The following WWOX variants were observed in gnomAD, a reference collection of about 807,000 sequenced individuals.
The protein encoded by WWOX is WW domain containing oxidoreductase.
WWOX carries 69 observed loss-of-function variants against 46.2 expected under a neutral mutation model. The ratio of observed to expected loss-of-function variants is 1.49; its 90% CI spans 1.23 to 1.82. The LOEUF (loss-of-function observed/expected upper bound fraction) is 1.82. Among genes scored for constraint, WWOX ranks in the 40% most tolerant of loss-of-function variants. WWOX has a pLI of 0.00. For missense variants in WWOX, 919 were observed against 542.6 expected (o/e 1.69, Z -6.89); for synonymous variants, 359 against 202.6 (o/e 1.77, Z -6.56).
intron 6 of WWOX, among the ~76,000 whole-genome samples, chr16:78,396,559 TC>T (rs1198642189): frequency 1.3e-5 from 2 of 152,198 alleles, no homozygotes; most frequent in African/African-American, 4.8e-5. Flanking sequence ...CCCAGGGTTG[TC>T]TTTTCCCACT....
chr16:79,210,380 C>G (rs749026701), intron 8 of WWOX, among the ~76,000 whole-genome samples: 1 of 152,168 alleles, frequency 6.6e-6, no homozygotes, highest in Admixed American at 6.5e-5. Flanking sequence ...GCAAACCAGA[C>G]CATTTGAGGG....
chr16:78,800,826 TC>T (rs1218892965), intron 8 of WWOX, among the ~76,000 whole-genome samples: 3 of 152,042 alleles, frequency 2.0e-5, no homozygotes, highest in African/African-American at 7.3e-5. Flanking sequence ...TAGCATCTCC[TC>T]CCCAGCACTC....
intron 8 of WWOX, among the ~76,000 whole-genome samples, chr16:78,672,902 A>T (rs939322421): frequency 1.2e-4 from 18 of 152,316 alleles, no homozygotes; most frequent in Non-Finnish European, 2.4e-4. Context: ...CATCCTGATA[A>T]ATGCTGTGCC....
intron 5 of WWOX, among the ~76,000 whole-genome samples, chr16:78,266,717 G>C (rs1205400094): frequency 6.6e-6 from 1 of 151,386 alleles, no homozygotes; most frequent in Non-Finnish European, 1.5e-5. Context: ...AGTTAACTTA[G>C]CTAAACTCAT....
chr16:78,620,839 G>C (rs2046162791), intron 8 of WWOX, among the ~76,000 whole-genome samples: 2 of 152,038 alleles, frequency 1.3e-5, no homozygotes, highest in Non-Finnish European at 2.9e-5. Flanking sequence ...TTCTTCCTCA[G>C]TTTATTTCTT....
At chr16:78,191,828 G>A (rs2035892793) in intron 5 of WWOX, among the ~76,000 whole-genome samples, 1 of 152,296 alleles carries the variant, frequency 6.6e-6, no homozygotes, top group South Asian at 2.1e-4. Context: ...AGAATTTACA[G>A]GATATTTGAT....
intron 8 of WWOX, among the ~76,000 whole-genome samples, chr16:78,824,689 C>T (rs1041503160): frequency 6.6e-6 from 1 of 152,150 alleles, no homozygotes; most frequent in African/African-American, 2.4e-5. Context: ...GTAAACCCAT[C>T]AGATCTTGTG....
intron 8 of WWOX, chr16:78,534,414 A>G (rs546088377): frequency 6.6e-6 from 1 of 152,232 alleles, no homozygotes; most frequent in Non-Finnish European, 1.5e-5. Context: ...AACCATTGAG[A>G]GGCTCATGGT....
intron 5 of WWOX, among the ~76,000 whole-genome samples, chr16:78,173,753 C>T (rs2035241140): frequency 6.6e-6 from 1 of 152,152 alleles, no homozygotes; most frequent in South Asian, 2.1e-4. Context: ...CTTGTTGGAG[C>T]AATATTTCTT....
intron 8 of WWOX, among the ~76,000 whole-genome samples, chr16:79,066,663 C>G (rs1276523605): frequency 6.6e-6 from 1 of 152,212 alleles, no homozygotes; most frequent in Non-Finnish European, 1.5e-5. Flanking sequence ...CAGGTGCCCA[C>G]TTAATTCAAT....
In WWOX at chr16:78,127,847, G is replaced by C. The variant is rs1343242843; in HGVS notation, c.409+12693G>C. ...TAGGACAGTTTTATTGGCGTCTACT[G>C]GACATGGTAGGAAGAGAGCTGTAAT... is the stretch of plus-strand genomic sequence containing the variant. On this transcript the variant is annotated intron_variant, in intron 4 of 8. Coordinates refer to ENST00000566780, the MANE Select transcript of WWOX (RefSeq NM_016373.4). Among the ~76,000 whole-genome samples, 3 of 152,152 alleles carry C rather than the reference G, an allele frequency of 2.0e-5. 1 individual carries two copies. Among genetic ancestry groups the C allele is most frequent in the African/African-American group, 7.2e-5 (3 of 41,420 alleles).
At chr16:78,248,864 CTTTTTTTTTT>C (rs869134108) in intron 5 of WWOX, among the ~76,000 whole-genome samples, 3 of 117,392 alleles carry the variant, frequency 2.6e-5, no homozygotes, top group African/African-American at 6.2e-5. Context: ...GCCCCCCGGC[CTTTTTTTTTT>C]TTTTTTTTTT....
chr16:78,859,190 A>T (rs376421334), intron 8 of WWOX, among the ~76,000 whole-genome samples: 2 of 151,340 alleles, frequency 1.3e-5, no homozygotes, highest in East Asian at 2.0e-4. Flanking sequence ...GAGAAGCAGG[A>T]TGAAGGGGCC....
In WWOX at chr16:78,989,855, T is replaced by A. The variant is rs145093301; in HGVS notation, c.1057-221753T>A. Among the ~76,000 whole-genome samples, 419 of 149,760 alleles carry A rather than the reference T, an allele frequency of 2.8e-3. 5 individuals carry two copies. The highest frequency in any genetic ancestry group is 0.01 in the African/African-American group (406 of 40,308). ...GTGTGTGTGTGTGTGTGTGTGTGTG[T>A]GATTGAGAGAGAGAGAGACAGATGG... is the stretch of plus-strand genomic sequence containing the variant. On this transcript the variant is annotated intron_variant, in intron 8 of 8. Coordinates refer to ENST00000566780, the MANE Select transcript of WWOX (RefSeq NM_016373.4).
intron 8 of WWOX, among the ~76,000 whole-genome samples, chr16:79,034,272 T>C (rs907175394): frequency 6.6e-6 from 1 of 152,192 alleles, no homozygotes; most frequent in Non-Finnish European, 1.5e-5. Context: ...AAAAAGGCAC[T>C]CTCTATAAAT....
intron 8 of WWOX, among the ~76,000 whole-genome samples, chr16:78,743,376 C>G (rs1375609172): frequency 6.6e-6 from 1 of 152,006 alleles, no homozygotes; most frequent in Non-Finnish European, 1.5e-5. Context: ...CAGAATCTTC[C>G]CAGGGATCTG....
At chr16:78,581,708 T>C (rs1303741726) in intron 8 of WWOX, among the ~76,000 whole-genome samples, 1 of 152,210 alleles carries the variant, frequency 6.6e-6, no homozygotes, top group Non-Finnish European at 1.5e-5. Context: ...TTTAGGTGCC[T>C]TAACTTACCA....
intron 8 of WWOX, among the ~76,000 whole-genome samples, chr16:79,181,586 T>G (rs377612045): frequency 3.7e-4 from 57 of 152,288 alleles, no homozygotes; most frequent in African/African-American, 1.3e-3. Context: ...TGGAAGCACT[T>G]CATCATATAG....
chr16:78,418,005 A>G (rs1011666648), intron 6 of WWOX, among the ~76,000 whole-genome samples: 5 of 152,212 alleles, frequency 3.3e-5, no homozygotes, highest in African/African-American at 9.7e-5. Context: ...TCAAACAACA[A>G]CAGTGATTAA....
Sources: allele counts gnomAD v4.1 joint callset (sites outside exome capture counted in the v4.1 genomes callset), GRCh38; gene constraint gnomAD v4.1.1; transcripts MANE v1.5; gene names NCBI Gene and HGNC (gene_info 2026-07-23, HGNC 2026-07-21).